JPH3: variants seen among roughly 807,000 people sequenced by gnomAD.
JPH3 encodes the protein junctophilin 3.
A neutral mutation model predicts 59.6 loss-of-function variants in JPH3; 11 were observed. That is an observed-to-expected ratio of 0.18 (90% CI 0.12 to 0.31). JPH3 has a LOEUF of 0.31. JPH3 is among the 10% of genes least tolerant of loss of function. The pLI is 1.00. For missense variants in JPH3, 1,202 were observed against 1,105.7 expected, an observed-to-expected ratio of 1.09 and a Z score of -1.24; for synonymous variants, 673 against 483.6, an observed-to-expected ratio of 1.39 and a Z score of -5.14.
intron 2 of JPH3, among the ~76,000 whole-genome samples, chr16:87,646,383 G>A (rs373541344): frequency 6.6e-6 from 1 of 152,178 alleles, no homozygotes; most frequent in Non-Finnish European, 1.5e-5. Context: ...ACCTGACACC[G>A]AGGTCCAAAC....
At chr16:87,695,867 C>T (rs539366670) in intron 4 of JPH3, 574 of 456,026 alleles carry the variant, frequency 1.3e-3, no homozygotes, top group Middle Eastern at 4.6e-3. Flanking sequence ...CAGCTTGGTC[C>T]GAGTGCCCAG....
chr16:87,626,252 G>C (rs534382278), intron 1 of JPH3, among the ~76,000 whole-genome samples: 2 of 152,140 alleles, frequency 1.3e-5, no homozygotes, highest in Non-Finnish European at 2.9e-5. Flanking sequence ...ATTTCATTGT[G>C]CACACGTGCA....
intron 2 of JPH3, among the ~76,000 whole-genome samples, chr16:87,671,831 T>C (rs1488342464): frequency 6.6e-6 from 1 of 152,226 alleles, no homozygotes; most frequent in East Asian, 1.9e-4. Flanking sequence ...GCTTCCTTCT[T>C]AACTGAGTAG....
chr16:87,689,682 G>C lies in JPH3; in HGVS notation c.1322G>C (p.Cys441Ser), dbSNP rs747124333. The change falls in exon 4 of 5, where the codon TGT (cysteine) becomes TCT (serine). Residue 441 changes from cysteine to serine, a missense_variant. Cys to Ser is a moderately radical substitution (Grantham distance 112, BLOSUM62 -1). Coordinates refer to ENST00000284262, the MANE Select transcript of JPH3 (RefSeq NM_020655.4). ...CAGAGGCCGAAGCGTCAGACCTCCT[G>C]TGACGACATCGAGGTGCTGTCCACC... ...EYQRPKRQTS[C>S]DDIEVLSTGT... 2 of 1,612,398 alleles carry C rather than the reference G, an allele frequency of 1.2e-6. No individual in the cohort carries two copies. Among genetic ancestry groups the C allele is most frequent in the Non-Finnish European group, 1.7e-6 (2 of 1,179,772 alleles).
At position 87,691,266 on chromosome 16, in the gene JPH3, C is replaced by A. The variant is rs182163835; in HGVS notation, c.2166+740C>A. ...GAAGGGACCTTCACTCTGCAAATCC[C>A]ACCCTGCTCCCTTGACCAGTGCTGC... On this transcript the variant is annotated intron_variant, in intron 4 of 4. Transcript: ENST00000284262. Among the ~76,000 whole-genome samples the A allele has an allele frequency of 1.5e-3, 224 of 152,352 alleles. 2 individuals carry two copies. The highest frequency in any genetic ancestry group is 5.2e-3 in the African/African-American group (216 of 41,576).
At chr16:87,609,184 A>G (rs996599995) in intron 1 of JPH3, among the ~76,000 whole-genome samples, 2 of 152,206 alleles carry the variant, frequency 1.3e-5, no homozygotes, top group African/African-American at 4.8e-5. Flanking sequence ...CTGAGGTAAC[A>G]TCCTCTGCTG....
intron 2 of JPH3, among the ~76,000 whole-genome samples, chr16:87,667,979 G>T (rs774222751): frequency 2.0e-5 from 3 of 151,978 alleles, no homozygotes. Context: ...AATCCTGAGC[G>T]CACACCGGCT....
At chr16:87,658,202 A>C (rs1053959556) in intron 2 of JPH3, among the ~76,000 whole-genome samples, 1 of 152,278 alleles carries the variant, frequency 6.6e-6, no homozygotes, top group East Asian at 1.9e-4. Context: ...GCTGGCTACT[A>C]TAGCGACCTC....
At chr16:87,674,031 G>T (rs1245113311) in intron 2 of JPH3, among the ~76,000 whole-genome samples, 3 of 137,672 alleles carry the variant, frequency 2.2e-5, no homozygotes, top group East Asian at 2.5e-4. Flanking sequence ...ACAGTGTTAA[G>T]TTAAAAAAAA....
At chr16:87,682,654 C>T (rs2033323435) in intron 2 of JPH3, among the ~76,000 whole-genome samples, 1 of 152,248 alleles carries the variant, frequency 6.6e-6, no homozygotes, top group Non-Finnish European at 1.5e-5. Context: ...AAAGCAATGT[C>T]TGCTATTGAT....
intron 2 of JPH3, among the ~76,000 whole-genome samples, chr16:87,675,866 C>A (rs1038206864): frequency 6.6e-6 from 1 of 152,224 alleles, no homozygotes; most frequent in African/African-American, 2.4e-5. Context: ...TATTTCGCAC[C>A]CCTTCCTCCA....
chr16:87,617,440 C>T (rs1041335231), intron 1 of JPH3, among the ~76,000 whole-genome samples: 4 of 152,056 alleles, frequency 2.6e-5, no homozygotes, highest in African/African-American at 9.7e-5. Flanking sequence ...CGCTTTCCCC[C>T]AGTGGATGCC....
chr16:87,615,140 G>C (rs2030908443), intron 1 of JPH3, among the ~76,000 whole-genome samples: 1 of 152,260 alleles, frequency 6.6e-6, no homozygotes, highest in Non-Finnish European at 1.5e-5. Flanking sequence ...GCTCTCCTGA[G>C]GGTTCACAGG....
intron 2 of JPH3, among the ~76,000 whole-genome samples, chr16:87,674,619 G>A (rs897629470): frequency 6.6e-6 from 1 of 152,350 alleles, no homozygotes; most frequent in Non-Finnish European, 1.5e-5. Flanking sequence ...GAGAGGAAGC[G>A]AAAGAGAACC....
intron 1 of JPH3, among the ~76,000 whole-genome samples, chr16:87,613,136 G>A (rs1430846000): frequency 4.0e-5 from 5 of 123,626 alleles, no homozygotes; most frequent in Non-Finnish European, 6.4e-5. Context: ...TCACTCTGTC[G>A]CCTAGGCTGG....
chr16:87,631,168 A>AT (rs1567589433), intron 1 of JPH3, among the ~76,000 whole-genome samples: 1 of 152,078 alleles, frequency 6.6e-6, no homozygotes, highest in Admixed American at 6.5e-5. Flanking sequence ...TTATTGATTG[A>AT]TTGCCTTCTT....
At chr16:87,681,296 C>T (rs369570971) in intron 2 of JPH3, among the ~76,000 whole-genome samples, 5 of 147,986 alleles carry the variant, frequency 3.4e-5, no homozygotes, top group Non-Finnish European at 7.4e-5. Context: ...AGGTCAGGTG[C>T]GCACGGTGAT....
rs1337604652 is a variant in JPH3 at position 87,611,592 on chromosome 16, T to A, written c.382+8064T>A. Among the ~76,000 whole-genome samples the A allele has an allele frequency of 1.3e-5, 2 of 152,094 alleles. No homozygotes were observed. The highest frequency in any genetic ancestry group is 3.2e-3 in the Middle Eastern group (1 of 316). ...TTTCCAAAAACACCGAGAGTCGCTC[T>A]CTCTGCTGCTGGTGGAGTCTGAGTT... On this transcript the variant is annotated intron_variant, in intron 1 of 4. Coordinates refer to ENST00000284262, the MANE Select transcript of JPH3 (RefSeq NM_020655.4). The surrounding 1 kb of genome is among the most constrained non-coding windows in gnomAD (Gnocchi z 4.5).
chr16:87,688,995 A>G (rs562435231), intron 3 of JPH3, among the ~76,000 whole-genome samples: 1 of 152,148 alleles, frequency 6.6e-6, no homozygotes, highest in South Asian at 2.1e-4. Flanking sequence ...ATGGGGACTG[A>G]GCCACCGGCA....
Sources: gnomAD v4.1 joint callset for allele counts (sites outside exome capture counted in the v4.1 genomes callset) on GRCh38, gnomAD v4.1.1 for gene constraint, Gnocchi (gnomAD v3.1) non-coding constraint, MANE v1.5 for transcripts, NCBI Gene and HGNC (gene_info 2026-07-23, HGNC 2026-07-21) for gene names.